GRID2: variants seen among roughly 807,000 people sequenced by gnomAD.
GRID2 encodes glutamate receptor ionotropic, delta-2.
In GRID2, 33 loss-of-function variants were observed where a neutral mutation model predicts 114.8. The ratio of observed to expected loss-of-function variants is 0.29; its 90% confidence interval spans 0.22 to 0.38. The LOEUF is 0.38. Ranked by LOEUF, GRID2 falls within the 10% of genes least tolerant of loss-of-function variation. The pLI, the probability that GRID2 is intolerant of heterozygous loss-of-function variation, is 1.00. For missense variants in GRID2, 1,184 were observed against 1,257.7 expected, an observed-to-expected ratio of 0.94 and a Z score of 0.89; for synonymous variants, 505 against 449.9, an observed-to-expected ratio of 1.12 and a Z score of -1.55.
chr4:93,536,734 CT>C (rs920568989), intron 13 of GRID2, among the ~76,000 whole-genome samples: 12 of 148,816 alleles, frequency 8.1e-5, no homozygotes, highest in Non-Finnish European at 1.8e-4. Flanking sequence ...GTTTTTAATG[CT>C]GGTCATGGCT....
At chr4:92,529,499 A>G (rs1395595191) in intron 1 of GRID2, among the ~76,000 whole-genome samples, 1 of 152,106 alleles carries the variant, frequency 6.6e-6, no homozygotes, top group African/African-American at 2.4e-5. Flanking sequence ...CAGAGGAGAT[A>G]GGGATTCCAG....
At chr4:93,623,957 A>G (rs56990326) in intron 13 of GRID2, among the ~76,000 whole-genome samples, 1 of 152,124 alleles carries the variant, frequency 6.6e-6, no homozygotes, top group African/African-American at 2.4e-5. Flanking sequence ...GAAAATTTAA[A>G]TGTCTTTTGT....
At chr4:93,066,809 A>T in intron 2 of GRID2, among the ~76,000 whole-genome samples, 1 of 151,930 alleles carries the variant, frequency 6.6e-6, no homozygotes, top group Non-Finnish European at 1.5e-5. Flanking sequence ...TTGCTCTTGC[A>T]CTTTGGGGCC....
chr4:93,243,631 T>A (rs745539907), intron 8 of GRID2, among the ~76,000 whole-genome samples: 21 of 152,082 alleles, frequency 1.4e-4, no homozygotes, highest in African/African-American at 2.4e-4. Flanking sequence ...GGATTCATAA[T>A]CCCAAATTTT....
intron 2 of GRID2, among the ~76,000 whole-genome samples, chr4:93,031,295 C>T (rs945627560): frequency 2.0e-5 from 3 of 151,962 alleles, no homozygotes; most frequent in African/African-American, 4.8e-5. Context: ...CTGCCTGCCT[C>T]GGCCTCCCAA....
chr4:92,813,967 A>G (rs1202966288), intron 2 of GRID2, among the ~76,000 whole-genome samples: 1 of 152,088 alleles, frequency 6.6e-6, no homozygotes, highest in Non-Finnish European at 1.5e-5. Context: ...TGATTCCCTA[A>G]CAATGTAAGC....
At chr4:92,546,556 G>T (rs556790116) in intron 1 of GRID2, among the ~76,000 whole-genome samples, 1 of 152,102 alleles carries the variant, frequency 6.6e-6, no homozygotes, top group Admixed American at 6.5e-5. Flanking sequence ...GTGTGTGTGC[G>T]CGCGCGTGTG....
At chr4:92,916,423 A>G (rs1257977070) in intron 2 of GRID2, among the ~76,000 whole-genome samples, 6 of 152,216 alleles carry the variant, frequency 3.9e-5, no homozygotes, top group South Asian at 4.1e-4. Flanking sequence ...GGTTAGTTAC[A>G]TATGTATACA....
intron 2 of GRID2, among the ~76,000 whole-genome samples, chr4:92,915,032 C>A (rs1400054806): frequency 6.6e-6 from 1 of 152,114 alleles, no homozygotes; most frequent in Admixed American, 6.6e-5. Context: ...GAAGAGTCCC[C>A]ATGAAACTTA....
intron 14 of GRID2, among the ~76,000 whole-genome samples, chr4:93,703,873 A>C (rs1052135449): frequency 2.0e-5 from 3 of 151,762 alleles, no homozygotes; most frequent in Non-Finnish European, 1.5e-5. Flanking sequence ...TATGTCCCAC[A>C]TTTTCTTAAT....
intron 2 of GRID2, among the ~76,000 whole-genome samples, chr4:92,840,466 CT>C (rs927690490): frequency 4.0e-5 from 6 of 151,312 alleles, no homozygotes; most frequent in Admixed American, 2.6e-4. Flanking sequence ...GATTTAGTGT[CT>C]TTTTTTTTAA....
intron 4 of GRID2, among the ~76,000 whole-genome samples, chr4:93,146,797 G>A (rs1369544132): frequency 2.0e-5 from 3 of 151,948 alleles, no homozygotes; most frequent in Non-Finnish European, 4.4e-5. Flanking sequence ...CTTTTCATTG[G>A]GATTAACTAG....
At chr4:93,416,190 C>T (rs1367739828) in intron 9 of GRID2, among the ~76,000 whole-genome samples, 1 of 151,910 alleles carries the variant, frequency 6.6e-6, no homozygotes, top group Non-Finnish European at 1.5e-5. Flanking sequence ...TTGATATCTC[C>T]TTTTAACAAA....
chr4:93,269,462 A>G lies in GRID2; in HGVS notation c.1245+30972A>G, dbSNP rs535897863. Among the ~76,000 whole-genome samples the G allele has an allele frequency of 3.9e-5, 6 of 152,322 alleles. No homozygotes were observed. In the East Asian group the frequency reaches 9.6e-4, roughly 24 times the overall value. On this transcript the variant is annotated intron_variant, in intron 8 of 15. Coordinates refer to ENST00000282020, the MANE Select transcript of GRID2 (RefSeq NM_001510.4). ...ACATATTCTTGTCAGCCAACTTCAT[A>G]TGAGGTGCAAAGCTCACTGAAGTGT...
chr4:92,681,418 T>A (rs577857442), intron 2 of GRID2, among the ~76,000 whole-genome samples: 1 of 152,298 alleles, frequency 6.6e-6, no homozygotes, highest in African/African-American at 2.4e-5. Flanking sequence ...TGGTTTTTTG[T>A]CCTTGCGATA....
chr4:92,423,212 T>C (rs529961008), intron 1 of GRID2, among the ~76,000 whole-genome samples: 1 of 152,294 alleles, frequency 6.6e-6, no homozygotes, highest in South Asian at 2.1e-4. Context: ...TAGGTAGAGC[T>C]ATATAGTAAG....
At position 93,210,105 on chromosome 4, in the gene GRID2, C is replaced by G. The variant is rs573058326; in HGVS notation, c.789+2648C>G. Among the ~76,000 whole-genome samples the G allele has an allele frequency of 2.0e-5, 3 of 151,864 alleles. No homozygotes were observed. In the South Asian group the frequency reaches 6.2e-4, roughly 32 times the overall value. ...TGTGCATAAGCTCGTTAGTTTAATTCAATTTTGTTTGTCGATTTTTGCTTT... is the reference window on the plus strand; with the variant it reads ...TGTGCATAAGCTCGTTAGTTTAATTGAATTTTGTTTGTCGATTTTTGCTTT... On this transcript the variant is annotated intron_variant, in intron 5 of 15. Transcript: ENST00000282020.
intron 2 of GRID2, among the ~76,000 whole-genome samples, chr4:92,940,779 G>C (rs572617297): frequency 1.1e-4 from 16 of 152,128 alleles, no homozygotes; most frequent in South Asian, 2.1e-4. Flanking sequence ...TAGCATGAAG[G>C]GTTGTTGAAT....
chr4:92,364,337 A>G (rs1728752752), intron 1 of GRID2, among the ~76,000 whole-genome samples: 1 of 152,082 alleles, frequency 6.6e-6, no homozygotes, highest in South Asian at 2.1e-4. Flanking sequence ...GTTTATGTTC[A>G]TCACCAGAAC....
Sources: allele counts gnomAD v4.1 joint callset (sites outside exome capture counted in the v4.1 genomes callset), GRCh38; gene constraint gnomAD v4.1.1; transcripts MANE v1.5; gene names NCBI Gene and HGNC (gene_info 2026-07-23, HGNC 2026-07-21).